Variants in DMD observed in about 807,000 individuals in gnomAD.
The protein encoded by DMD is mutant dystrophin.
Under a neutral mutation model 330.1 loss-of-function variants are expected in DMD, and 63 were observed. The ratio of observed to expected loss-of-function variants is 0.19; its 90% confidence interval spans 0.16 to 0.24. DMD has a LOEUF of 0.24. DMD is among the 10% of genes least tolerant of loss of function. The probability of loss-of-function intolerance (pLI) is 1.00; values close to 1 mark genes in which losing one functional copy is unlikely to be tolerated. For missense variants in DMD, 3,344 were observed against 2,684.1 expected, an observed-to-expected ratio of 1.25 and a Z score of -5.43; for synonymous variants, 1,223 against 959.8, an observed-to-expected ratio of 1.27 and a Z score of -5.07.
chrX:32,564,744 G>A (rs766291517), intron 16 of DMD, among the ~76,000 whole-genome samples: 3 of 111,464 alleles, frequency 2.7e-5, no homozygotes, highest in South Asian at 3.8e-4. Context: ...TTGTATTCCT[G>A]GAGGCAATAC....
At chrX:31,975,439 T>C (rs555944523) in intron 44 of DMD, among the ~76,000 whole-genome samples, 2 of 111,989 alleles carry the variant, frequency 1.8e-5, no homozygotes, top group East Asian at 5.6e-4. Flanking sequence ...TCAGGACAAA[T>C]AGAAAACATT....
chrX:32,531,045 C>A (rs1452650256), intron 17 of DMD, among the ~76,000 whole-genome samples: 2 of 111,855 alleles, frequency 1.8e-5, no homozygotes, highest in Non-Finnish European at 3.8e-5. Context: ...AATTTGGCTT[C>A]TTTCGTTTTC....
intron 1 of DMD, among the ~76,000 whole-genome samples, chrX:33,161,257 G>A (rs193229163): frequency 9.9e-5 from 11 of 111,271 alleles, no homozygotes; most frequent in Non-Finnish European, 1.7e-4. Context: ...CACAAATGGC[G>A]GCTGCTCTTT....
chrX:31,563,754 C>T, intron 55 of DMD, among the ~76,000 whole-genome samples: 1 of 111,862 alleles, frequency 8.9e-6, no homozygotes, highest in South Asian at 3.7e-4. Context: ...ATAAAATGTT[C>T]AGAGCACTGC....
chrX:32,072,214 T>C (rs1316786060), intron 44 of DMD, among the ~76,000 whole-genome samples: 3 of 111,518 alleles, frequency 2.7e-5, no homozygotes, highest in African/African-American at 9.8e-5. Flanking sequence ...CGATATGTAA[T>C]ATTAAAAACC....
chrX:32,490,314 G>A (rs2042876359), intron 20 of DMD, among the ~76,000 whole-genome samples: 2 of 111,896 alleles, frequency 1.8e-5, no homozygotes, highest in South Asian at 7.5e-4. Context: ...ATAGCTCATA[G>A]TAACAATGAA....
intron 49 of DMD, among the ~76,000 whole-genome samples, chrX:31,822,653 G>GGTGTGTGTGT (rs1556919105): frequency 0.07 from 4,581 of 65,627 alleles, 227 homozygotes; most frequent in Non-Finnish European, 0.081. Context: ...AAGGCAGAGG[G>GGTGTGTGTGT]GTGTGTGTGT....
At chrX:31,786,806 G>T (rs892542512) in intron 50 of DMD, among the ~76,000 whole-genome samples, 2 of 111,935 alleles carry the variant, frequency 1.8e-5, no homozygotes, top group South Asian at 7.4e-4. Flanking sequence ...GACCATCCCA[G>T]CTCCAGTGTC....
rs758162442 is a variant in DMD at position 32,444,447 on chromosome X, C to T, written c.3787-3133G>A. ...AACAAATAAACAAACAAAAACCTTACTAGCCACATGGGGAAATTCACTTCC... is the reference window on the plus strand; with the variant it reads ...AACAAATAAACAAACAAAAACCTTATTAGCCACATGGGGAAATTCACTTCC... On this transcript the variant is annotated intron_variant, in intron 27 of 78. Coordinates refer to ENST00000357033, the MANE Select transcript of DMD (RefSeq NM_004006.3). 9.9e-5 allele frequency among the ~76,000 whole-genome samples: 11 copies of T among 110,900 alleles called. No individual in the cohort carries two copies. The South Asian group carries it at 3.7e-3, about 38-fold the overall frequency.
chrX:31,872,161 G>A (rs900297763), intron 48 of DMD, among the ~76,000 whole-genome samples: 2 of 108,810 alleles, frequency 1.8e-5, no homozygotes, highest in African/African-American at 6.7e-5. Flanking sequence ...GCACTCCAGA[G>A]ATAAGAAACT....
chrX:32,544,138 A>G (rs1359268795), intron 17 of DMD, among the ~76,000 whole-genome samples: 1 of 112,064 alleles, frequency 8.9e-6, no homozygotes, highest in Non-Finnish European at 1.9e-5. Flanking sequence ...GGACTAGTGG[A>G]TTTGCTTAGC....
At chrX:33,167,514 T>A (rs1469604515) in intron 1 of DMD, among the ~76,000 whole-genome samples, 2 of 110,477 alleles carry the variant, frequency 1.8e-5, no homozygotes, top group African/African-American at 6.5e-5. Context: ...TCACCCAGAA[T>A]TTTTTTTTAC....
chrX:31,204,913 C>A lies in DMD; in HGVS notation c.9650-795G>T, dbSNP rs187311789. On this transcript the variant is annotated intron_variant, in intron 66 of 78. Transcript: ENST00000357033. ...CTGGGATTACAGGTGTGAGCTACTG[C>A]GCCTGGCTGCGTATTTCTAATTAAT... Among the ~76,000 whole-genome samples, 4 of 111,902 alleles carry A rather than the reference C, an allele frequency of 3.6e-5. No homozygotes were observed. In the South Asian group the frequency reaches 1.5e-3, roughly 42 times the overall value.
chrX:32,572,924 T>C (rs185689245), intron 15 of DMD, among the ~76,000 whole-genome samples: 157 of 111,074 alleles, frequency 1.4e-3, no homozygotes, highest in African/African-American at 5.0e-3. Context: ...GGGACCTTCC[T>C]CTTATCTCTT....
intron 44 of DMD, among the ~76,000 whole-genome samples, chrX:32,004,121 C>T (rs1014899056): frequency 2.7e-5 from 3 of 110,920 alleles, no homozygotes; most frequent in Non-Finnish European, 5.7e-5. Flanking sequence ...ATTCAGGAAG[C>T]TAAGTAACTT....
chrX:31,889,215 A>G (rs2094199212), intron 47 of DMD, among the ~76,000 whole-genome samples: 1 of 112,217 alleles, frequency 8.9e-6, no homozygotes, highest in East Asian at 2.8e-4. Flanking sequence ...CTAAAACCAT[A>G]TTGACTTTTC....
At chrX:32,520,802 G>A (rs993265045) in intron 17 of DMD, among the ~76,000 whole-genome samples, 3 of 109,441 alleles carry the variant, frequency 2.7e-5, no homozygotes, top group African/African-American at 1.0e-4. Flanking sequence ...CCAAACTAAG[G>A]CAATAATCAA....
At chrX:32,359,309 T>A (rs2097821488) in intron 37 of DMD, among the ~76,000 whole-genome samples, 1 of 111,945 alleles carries the variant, frequency 8.9e-6, no homozygotes, top group Non-Finnish European at 1.9e-5. Flanking sequence ...TAGACACCAG[T>A]GAATTTTCAG....
chrX:32,540,561 T>A (rs776873376), intron 17 of DMD, among the ~76,000 whole-genome samples: 3 of 111,437 alleles, frequency 2.7e-5, no homozygotes, highest in African/African-American at 6.5e-5. Context: ...TTAAATGATA[T>A]TGAAATGTCA....
Sources: allele counts gnomAD v4.1 joint callset (sites outside exome capture counted in the v4.1 genomes callset), GRCh38; gene constraint gnomAD v4.1.1; transcripts MANE v1.5; gene names NCBI Gene and HGNC (gene_info 2026-07-23, HGNC 2026-07-21).